CCDC186: variants seen among roughly 807,000 people sequenced by gnomAD.
CCDC186 encodes the protein coiled-coil domain-containing protein 186.
CCDC186 carries 49 observed loss-of-function variants against 113.7 expected under a neutral mutation model. The ratio of observed to expected loss-of-function variants is 0.43; its 90% CI spans 0.34 to 0.55. The LOEUF is 0.55. Ranked by LOEUF, CCDC186 falls within the 20% of genes least tolerant of loss-of-function variation. The pLI, the probability that CCDC186 is intolerant of heterozygous loss-of-function variation, is 0.02. For synonymous variants in CCDC186, 355 were observed against 345.8 expected (o/e 1.03, Z -0.30); for missense variants, 890 against 1,011.1 (o/e 0.88, Z 1.62).
intron 10 of CCDC186, among the ~76,000 whole-genome samples, 195 bp downstream of exon 10, chr10:114,134,718 A>C (rs1342112253): frequency 6.6e-6 from 1 of 152,192 alleles, no homozygotes; most frequent in Non-Finnish European, 1.5e-5. Flanking sequence ...AAGGAATATA[A>C]ACTTTGATTT....
At chr10:114,158,049 A>G (rs1242389513) in intron 2 of CCDC186, among the ~76,000 whole-genome samples, 1 of 152,166 alleles carries the variant, frequency 6.6e-6, no homozygotes, top group African/African-American at 2.4e-5. Flanking sequence ...CCTTCCAGGC[A>G]TTTGTCTGAA....
intron 3 of CCDC186, among the ~76,000 whole-genome samples, chr10:114,152,408 T>C (rs539386408): frequency 6.6e-6 from 1 of 152,004 alleles, no homozygotes; most frequent in African/African-American, 2.4e-5. Context: ...CATATTCTGA[T>C]TGATGGCAAT....
chr10:114,140,071 A>C (rs2031417546), intron 6 of CCDC186, among the ~76,000 whole-genome samples: 1 of 152,260 alleles, frequency 6.6e-6, no homozygotes, highest in Non-Finnish European at 1.5e-5. Flanking sequence ...CTCCAGGGAC[A>C]TACTGTATAA....
intron 1 of CCDC186, among the ~76,000 whole-genome samples, chr10:114,168,971 T>C (rs1193493044): frequency 3.4e-5 from 5 of 149,052 alleles, no homozygotes; most frequent in African/African-American, 1.2e-4. Context: ...ATATTGAGCA[T>C]CTATTAATAT....
chr10:114,171,929 C>T (rs12784514), intron 1 of CCDC186, among the ~76,000 whole-genome samples: 13,057 of 152,134 alleles, frequency 0.086, 674 homozygotes, highest in Middle Eastern at 0.15. Context: ...AGCCCAAATA[C>T]ATTTTTTAAA....
Position 114,151,118 on chromosome 10 carries a change from T to C in CCDC186, c.862A>G (p.Lys288Glu). The change falls in exon 4 of 16, where the codon AAA becomes GAA. Residue 288 changes from lysine (K) to glutamate (E), a missense_variant. By Grantham distance (56) the Lys-to-Glu change is moderately conservative. Coordinates refer to ENST00000369287, the MANE Select transcript of CCDC186 (RefSeq NM_018017.4). The stretch of plus-strand genomic sequence containing the variant: ...TGTTCCATCCGTTGGGCCATCTCTT[T>C]GTGTAACTGCTGAACTGCATTTTTA... ...TAKNAVQQLH[K>E]EMAQRMEQAN... is the part of the protein sequence containing the mutation. The C allele has an allele frequency of 6.2e-7, 1 of 1,613,836 alleles. No individual in the cohort carries two copies. Among genetic ancestry groups the C allele is most frequent in the East Asian group, 2.2e-5 (1 of 44,852 alleles).
intron 15 of CCDC186, among the ~76,000 whole-genome samples, 153 bp from the exon 16 acceptor site, chr10:114,125,379 T>C (rs1390110861): frequency 6.6e-6 from 1 of 152,216 alleles, no homozygotes; most frequent in African/African-American, 2.4e-5. Flanking sequence ...CACACAGCTG[T>C]TTTCAGTAAA....
chr10:114,171,681 T>C (rs1444151091), intron 1 of CCDC186, among the ~76,000 whole-genome samples: 3 of 152,190 alleles, frequency 2.0e-5, no homozygotes, highest in African/African-American at 7.2e-5. Flanking sequence ...GTTGGTTAAT[T>C]TGGTATGCTC....
chr10:114,137,342 G>GT, intron 6 of CCDC186, 52 bp from the exon 7 acceptor site: 1 of 1,307,774 alleles, frequency 7.6e-7, no homozygotes, highest in South Asian at 1.2e-5. Flanking sequence ...GTGATGAATG[G>GT]TAAGAAGTGA....
chr10:114,158,038 C>T (rs1445848317), intron 2 of CCDC186, among the ~76,000 whole-genome samples: 2 of 152,202 alleles, frequency 1.3e-5, no homozygotes, highest in African/African-American at 4.8e-5. Context: ...GGCAATTTTG[C>T]CCTTCCAGGC....
At chr10:114,165,811 G>C (rs2032319557) in intron 1 of CCDC186, 2 of 805,816 alleles carry the variant, frequency 2.5e-6, no homozygotes. Context: ...TCGTGCCATT[G>C]CACTCCAGCC....
At chr10:114,154,210 C>CAAAAAA (rs1276405190) in intron 3 of CCDC186, among the ~76,000 whole-genome samples, 33 of 80,962 alleles carry the variant, frequency 4.1e-4, no homozygotes, top group Non-Finnish European at 5.1e-4. Flanking sequence ...GACCTTGTCT[C>CAAAAAA]AAAAAAAAAA....
At position 114,174,131 on chromosome 10, in the gene CCDC186, G is replaced by A. The variant is rs573017134; in HGVS notation, c.-178C>T. ...AAGAGTGGGAGGAAAAGACCGCGGT[G>A]AGAAACACAGCCGACGCCTCACTCA... On this transcript the variant is annotated 5_prime_UTR_variant, in exon 1 of 16. Coordinates refer to ENST00000369287, the MANE Select transcript of CCDC186 (RefSeq NM_018017.4). The A allele has an allele frequency of 2.3e-5, 11 of 472,022 alleles. No individual in the cohort carries two copies. Among genetic ancestry groups the A allele is most frequent in the African/African-American group, 2.0e-4 (10 of 50,222 alleles). The allele number at this position is 472,022 out of a possible 1,614,324, so 29.2% of individuals were successfully genotyped here.
chr10:114,150,984 G>T, intron 4 of CCDC186, 108 bp downstream of exon 4: 1 of 1,295,300 alleles, frequency 7.7e-7, no homozygotes, highest in Non-Finnish European at 1.1e-6. Flanking sequence ...GAATCACCTA[G>T]TATTAATACA....
intron 4 of CCDC186, 150 bp downstream of exon 4, chr10:114,150,942 C>T (rs1405119979): frequency 4.7e-6 from 4 of 855,132 alleles, no homozygotes; most frequent in East Asian, 3.3e-5. Flanking sequence ...TGAGTCACCA[C>T]GTCTGGCCTA....
At chr10:114,130,136 T>C (rs2031041609) in intron 12 of CCDC186, 165 bp from the exon 13 acceptor site, 2 of 503,860 alleles carry the variant, frequency 4.0e-6, no homozygotes, top group Admixed American at 7.8e-5. Context: ...AAAATGTCAT[T>C]TGGAAATGTA....
chr10:114,150,987 T>C (rs1214286385), intron 4 of CCDC186, 105 bp downstream of exon 4: 5 of 1,330,580 alleles, frequency 3.8e-6, no homozygotes, highest in Non-Finnish European at 5.1e-6. Context: ...TCACCTAGTA[T>C]TAATACAATA....
chr10:114,163,326 A>G lies in CCDC186; in HGVS notation c.-58T>C. The G allele has an allele frequency of 6.5e-7, 1 of 1,545,596 alleles. No individual in the cohort carries two copies. The highest frequency in any genetic ancestry group is 8.6e-7 in the Non-Finnish European group (1 of 1,157,608). On this transcript the variant is annotated 5_prime_UTR_variant, in exon 2 of 16. It removes the in-frame stop codon of an upstream open reading frame in the 5' UTR. Transcript: ENST00000369287. ...CAAATCTGCTCCTGATCTTCGTTTT[A>G]CATCTAAGAAATTGAAACATCAAAA...
chr10:114,142,759 T>C (rs762221798), intron 6 of CCDC186, among the ~76,000 whole-genome samples: 2 of 152,190 alleles, frequency 1.3e-5, no homozygotes, highest in African/African-American at 2.4e-5. Context: ...ACTGCAGTAT[T>C]ATTAGTACCT....
Sources: gnomAD v4.1 joint callset for allele counts (sites outside exome capture counted in the v4.1 genomes callset) on GRCh38, gnomAD v4.1.1 for gene constraint, MANE v1.5 for transcripts, NCBI Gene and HGNC (gene_info 2026-07-23, HGNC 2026-07-21) for gene names.